NLRC3: variants seen among roughly 807,000 people sequenced by gnomAD.
The protein encoded by NLRC3 is NLR family CARD domain containing 3.
NLRC3 carries 87 observed loss-of-function variants against 91.6 expected under a neutral mutation model. That is an observed-to-expected ratio of 0.95 (90% CI 0.80 to 1.14). NLRC3 has a LOEUF of 1.14. NLRC3 is among the 50% of genes most tolerant of loss of function. The pLI, the probability that NLRC3 is intolerant of heterozygous loss-of-function variation, is 0.00. For missense variants in NLRC3, 1,577 were observed against 1,418.6 expected, an observed-to-expected ratio of 1.11 and a Z score of -1.79; for synonymous variants, 694 against 625.3, an observed-to-expected ratio of 1.11 and a Z score of -1.64.
chr16:3,575,453 G>C (rs1034895962), intron 1 of NLRC3, among the ~76,000 whole-genome samples: 5 of 152,216 alleles, frequency 3.3e-5, no homozygotes, highest in Non-Finnish European at 5.9e-5. Flanking sequence ...TGGGACTCGG[G>C]TTGCTTTGGG....
At position 3,577,312 on chromosome 16, in the gene NLRC3, C is replaced by T; in HGVS notation, c.-332G>A. 1.5e-6 allele frequency: 1 copy of T among 657,314 alleles called. No individual in the cohort carries two copies. The highest frequency in any genetic ancestry group is 1.7e-5 in the South Asian group (1 of 59,698). The allele number at this position is 657,314 out of a possible 1,614,324, so 40.7% of individuals were successfully genotyped here. A position where few individuals can be genotyped will look rare whatever the true frequency, so the allele number is the denominator to read the frequency against. On this transcript the variant is annotated 5_prime_UTR_variant, in exon 1 of 20. Coordinates refer to ENST00000359128, the MANE Select transcript of NLRC3 (RefSeq NM_178844.4). ...CAGGACCAGGGATCAGGGCACTTAC[C>T]ACGCCAACCAACCAACCGTGTGGGG... is the stretch of plus-strand genomic sequence containing the variant.
chr16:3,555,229 CAAAA>C (rs149218240), intron 8 of NLRC3, among the ~76,000 whole-genome samples: 1 of 82,444 alleles, frequency 1.2e-5, no homozygotes, highest in African/African-American at 4.8e-5. Flanking sequence ...GACTCCGTCT[CAAAA>C]AAAAAAAAAA....
intron 19 of NLRC3, 66 bp from the exon 20 acceptor site, chr16:3,541,981 A>G (rs199476290): frequency 2.0e-6 from 2 of 980,506 alleles, no homozygotes; most frequent in Non-Finnish European, 3.2e-6. Flanking sequence ...CAGGCCATAC[A>G]ATAGAAAATG....
At chr16:3,559,101 C>G (rs950709737) in intron 6 of NLRC3, among the ~76,000 whole-genome samples, 7 of 152,192 alleles carry the variant, frequency 4.6e-5, no homozygotes, top group Non-Finnish European at 1.0e-4. Context: ...TTGAAGCAAA[C>G]TGTTCACTGG....
At chr16:3,569,411 T>A (rs1203176809) in intron 1 of NLRC3, among the ~76,000 whole-genome samples, 3 of 115,948 alleles carry the variant, frequency 2.6e-5, no homozygotes, top group Non-Finnish European at 5.3e-5. Context: ...TTTTTTTTTT[T>A]TTTTTTTTTT....
chr16:3,542,652 T>G, intron 18 of NLRC3, 40 bp downstream of exon 18: 1 of 1,289,106 alleles, frequency 7.8e-7, no homozygotes, highest in Middle Eastern at 1.8e-4. Context: ...CAGAGAACTC[T>G]GCTGCTCCAG....
chr16:3,561,798 G>A lies in NLRC3; in HGVS notation c.1929-10C>T, dbSNP rs1382687776. On this transcript the variant is annotated splice_polypyrimidine_tract_variant and intron_variant, in intron 5 of 19. Coordinates refer to ENST00000359128, the MANE Select transcript of NLRC3 (RefSeq NM_178844.4). The stretch of plus-strand genomic sequence containing the variant: ...CTGGTTGGTGTCCAGCCTGGCCAAG[G>A]GGAGCAGTGACAGTGAGTGTCCCAC... The A allele has an allele frequency of 3.7e-6, 6 of 1,609,572 alleles. No individual in the cohort carries two copies. In the African/African-American group the frequency reaches 5.3e-5, roughly 14 times the overall value.
intron 5 of NLRC3, 58 bp downstream of exon 5, chr16:3,562,929 AGCTTGGTGGTGGGGAGGGGACG>A (rs1363855985): frequency 7.9e-7 from 1 of 1,271,776 alleles, no homozygotes; most frequent in Non-Finnish European, 1.1e-6. Context: ...CTGACAGAGA[AGCTTGGTGGTGGGGAGGGGACG>A]GCTTCTGCTC....
intron 1 of NLRC3, among the ~76,000 whole-genome samples, chr16:3,575,858 C>G (rs544081385): frequency 6.6e-6 from 1 of 152,336 alleles, no homozygotes; most frequent in Non-Finnish European, 1.5e-5. Flanking sequence ...CAGTATCTCC[C>G]ACCACGGCTG....
chr16:3,561,642 A>G, intron 6 of NLRC3, 60 bp downstream of exon 6: 1 of 1,149,830 alleles, frequency 8.7e-7, no homozygotes, highest in South Asian at 1.2e-5. Flanking sequence ...GATGATGGGA[A>G]GAGGGTTCCA....
chr16:3,572,973 C>A (rs1439297677), intron 1 of NLRC3, among the ~76,000 whole-genome samples: 3 of 139,664 alleles, frequency 2.1e-5, no homozygotes, highest in Non-Finnish European at 3.0e-5. Context: ...GATGGTGCCA[C>A]TGCACTCTAG....
chr16:3,557,105 G>A (rs1263023687), intron 7 of NLRC3, 111 bp from the exon 8 acceptor site: 1 of 718,976 alleles, frequency 1.4e-6, no homozygotes, highest in Non-Finnish European at 2.4e-6. Flanking sequence ...AATGTGTAAG[G>A]GCTTAGGATC....
rs754033706 is a variant in NLRC3, at chr16:3,564,682, G to A, written c.255C>T (p.His85=). Residue 85 remains histidine (H), a synonymous_variant, in exon 5 of 20, where the codon CAC becomes CAT. Transcript: ENST00000359128. The surrounding 1 kb of genome is among the most constrained non-coding windows in gnomAD (Gnocchi z 5.9). The part of the protein sequence containing the change: ...GGGPELGGPW[H]RLASLLLVEG... ...CCACCAGCAGGAGGGAGGCCAGCCTGTGCCAGGGTCCGCCCAGCTCCGGGC... is the reference window on the plus strand; with the variant it reads ...CCACCAGCAGGAGGGAGGCCAGCCTATGCCAGGGTCCGCCCAGCTCCGGGC... 15 of 1,602,770 alleles carry A rather than the reference G, an allele frequency of 9.4e-6. No individual in the cohort carries two copies. Among genetic ancestry groups the A allele is most frequent in the Non-Finnish European group, 1.2e-5 (14 of 1,179,200 alleles).
At position 3,563,191 on chromosome 16, in the gene NLRC3, G is replaced by A. The variant is rs566471963; in HGVS notation, c.1746C>T (p.Ser582=). The A allele has an allele frequency of 2.6e-4, 419 of 1,595,194 alleles. 9 individuals carry two copies. The East Asian group carries it at 8.7e-3, about 33-fold the overall frequency. The change falls in exon 5 of 20, where the codon AGC becomes AGT. Residue 582 remains serine (S), a synonymous_variant. Coordinates refer to ENST00000359128, the MANE Select transcript of NLRC3 (RefSeq NM_178844.4). ...CCCCGCTCTCCATGGCCTCCTCCAC[G>A]CTGCGGGCCAGCTCGGTGTGCTGCA... ...HELQHTELAR[S]VEEAMESGAL...
chr16:3,551,446 T>C (rs1329204517), intron 10 of NLRC3, among the ~76,000 whole-genome samples: 2 of 149,506 alleles, frequency 1.3e-5, no homozygotes, highest in East Asian at 4.0e-4. Context: ...ATTTATCTAC[T>C]CTACTCATTC....
chr16:3,564,583 G>A lies in NLRC3; in HGVS notation c.354C>T (p.Pro118=), dbSNP rs370142474. The A allele has an allele frequency of 9.3e-6, 15 of 1,611,516 alleles. No individual in the cohort carries two copies. Among genetic ancestry groups the A allele is most frequent in the African/African-American group, 5.3e-5 (4 of 74,940 alleles). The change falls in exon 5 of 20, where the codon CCC becomes CCT. Residue 118 remains proline (P), a synonymous_variant. Transcript: ENST00000359128. This position sits in a 1 kb window ranked among gnomAD's most constrained non-coding sequence, Gnocchi z 5.9. ...QVEATRGGGH[P]ARTVALDRLF... ...GCCGGTCCAGGGCGACGGTCCTGGC[G>A]GGGTGCCCGCCCCCGCGGGTGGCCT...
At chr16:3,574,664 TA>T (rs2151109966) in intron 1 of NLRC3, among the ~76,000 whole-genome samples, 1 of 152,144 alleles carries the variant, frequency 6.6e-6, no homozygotes, top group South Asian at 2.1e-4. Flanking sequence ...TTCAGCAAAT[TA>T]AAATACAAGA....
intron 1 of NLRC3, among the ~76,000 whole-genome samples, chr16:3,572,000 GA>G (rs1422454705): frequency 6.6e-6 from 1 of 151,514 alleles, no homozygotes; most frequent in African/African-American, 2.4e-5. Context: ...AAAGTTGAAA[GA>G]AAAACTATAA....
intron 1 of NLRC3, among the ~76,000 whole-genome samples, chr16:3,575,403 C>T (rs2040249039): frequency 6.6e-6 from 1 of 152,176 alleles, no homozygotes; most frequent in Non-Finnish European, 1.5e-5. Context: ...TCAGGCGGCC[C>T]CTGTGAGCGC....
Sources: gnomAD v4.1 joint callset for allele counts (sites outside exome capture counted in the v4.1 genomes callset) on GRCh38, gnomAD v4.1.1 for gene constraint, Gnocchi (gnomAD v3.1) non-coding constraint, MANE v1.5 for transcripts, NCBI Gene and HGNC (gene_info 2026-07-23, HGNC 2026-07-21) for gene names.